Variants in PRKCQ observed in about 807,000 individuals in gnomAD.
The protein encoded by PRKCQ is protein kinase C theta type.
Under a neutral mutation model 91.2 loss-of-function variants are expected in PRKCQ, and 41 were observed. The observed-to-expected ratio is 0.45, with a 90% CI of 0.35 to 0.58. The LOEUF (loss-of-function observed/expected upper bound fraction) is 0.58, where lower values mean the gene tolerates loss of function less well. Among genes scored for constraint, PRKCQ ranks in the 20% least tolerant of loss-of-function variants. The pLI, the probability that PRKCQ is intolerant of heterozygous loss-of-function variation, is 0.00. For synonymous variants in PRKCQ, 307 were observed against 316.9 expected (o/e 0.97, Z 0.33); for missense variants, 673 against 896.5 (o/e 0.75, Z 3.18).
At chr10:6,414,134 T>G in the PRKCQ span, among the ~76,000 whole-genome samples, 982 of 152,172 alleles carry the variant, frequency 6.5e-3, 5 homozygotes, top group Non-Finnish European at 9.6e-3. Context: ...GTTCCCTGAG[T>G]CATGTAGGTA....
At chr10:6,474,161 A>G (rs1371961900) in intron 12 of PRKCQ, among the ~76,000 whole-genome samples, 1 of 152,266 alleles carries the variant, frequency 6.6e-6, no homozygotes, top group African/African-American at 2.4e-5. Flanking sequence ...ATATTGACCA[A>G]GAATGTTCAA....
chr10:6,421,369 C>T, the PRKCQ span, among the ~76,000 whole-genome samples: 1 of 152,132 alleles, frequency 6.6e-6, no homozygotes, highest in Non-Finnish European at 1.5e-5. This position sits in a 1 kb window ranked among gnomAD's most constrained non-coding sequence, Gnocchi z 4.1. Context: ...TCTGTGGTCC[C>T]AGCTACTTGG....
intron 16 of PRKCQ, among the ~76,000 whole-genome samples, chr10:6,434,175 A>C (rs1439618872): frequency 6.6e-6 from 1 of 152,128 alleles, no homozygotes; most frequent in Non-Finnish European, 1.5e-5. Context: ...AGATGGCGTA[A>C]GTGTCTCAGG....
chr10:6,473,064 T>C (rs1836077754), intron 12 of PRKCQ, among the ~76,000 whole-genome samples: 1 of 152,206 alleles, frequency 6.6e-6, no homozygotes, highest in East Asian at 1.9e-4. Flanking sequence ...CTTTTCCTTT[T>C]TTTGTCCTAT....
chr10:6,411,041 G>A, the PRKCQ span, among the ~76,000 whole-genome samples: 3 of 151,684 alleles, frequency 2.0e-5, no homozygotes, highest in African/African-American at 4.8e-5. Context: ...GAAACACGGC[G>A]GACGATTAGA....
chr10:6,443,873 C>T (rs572265141), intron 15 of PRKCQ, among the ~76,000 whole-genome samples: 23 of 152,290 alleles, frequency 1.5e-4, no homozygotes, highest in African/African-American at 5.5e-4. Context: ...TTTGCCCTTA[C>T]TTTCAGTGAC....
chr10:6,545,191 G>A (rs1253229936), intron 1 of PRKCQ, among the ~76,000 whole-genome samples: 3 of 152,164 alleles, frequency 2.0e-5, no homozygotes, highest in Non-Finnish European at 4.4e-5. Context: ...CATTTTTCTT[G>A]CACCTGGTCT....
At chr10:6,574,421 A>G (rs1841151814) in intron 1 of PRKCQ, among the ~76,000 whole-genome samples, 1 of 152,220 alleles carries the variant, frequency 6.6e-6, no homozygotes, top group Non-Finnish European at 1.5e-5. Flanking sequence ...GCCCAGGACA[A>G]TCTGGGTTTG....
intron 16 of PRKCQ, among the ~76,000 whole-genome samples, chr10:6,434,921 T>C (rs1402338362): frequency 6.6e-6 from 1 of 152,212 alleles, no homozygotes; most frequent in Non-Finnish European, 1.5e-5. Flanking sequence ...GAGTGTTTTT[T>C]TTCTTTTTTT....
chr10:6,433,239 A>G (rs1266567376), intron 16 of PRKCQ, among the ~76,000 whole-genome samples: 1 of 152,218 alleles, frequency 6.6e-6, no homozygotes, highest in Non-Finnish European at 1.5e-5. Flanking sequence ...TTTGATGACA[A>G]GCGGCCTCCT....
At chr10:6,562,267 T>A (rs1840663868) in intron 1 of PRKCQ, among the ~76,000 whole-genome samples, 1 of 152,144 alleles carries the variant, frequency 6.6e-6, no homozygotes, top group African/African-American at 2.4e-5. Context: ...ACTGTGGCCA[T>A]CTCCTGTCTC....
chr10:6,497,535 C>T lies in PRKCQ; in HGVS notation c.543-284G>A, dbSNP rs1303312998. ...TGCATGAATGAAAATGCATGCATCA[C>T]AGACTCTTCGTAGCACGTTTCCCTG... On this transcript the variant is annotated intron_variant, in intron 5 of 17. Coordinates refer to ENST00000263125, the MANE Select transcript of PRKCQ (RefSeq NM_006257.5). The surrounding 1 kb of genome is among the most constrained non-coding windows in gnomAD (Gnocchi z 4.5). 2.0e-5 allele frequency among the ~76,000 whole-genome samples: 3 copies of T among 152,218 alleles called. No individual in the cohort carries two copies. The highest frequency in any genetic ancestry group is 3.8e-4 in the East Asian group (2 of 5,196).
intron 1 of PRKCQ, among the ~76,000 whole-genome samples, chr10:6,524,009 A>G (rs1839113401): frequency 6.6e-6 from 1 of 152,088 alleles, no homozygotes; most frequent in African/African-American, 2.4e-5. Context: ...GCCTGCCTGG[A>G]CTTCTCTCGA....
intron 4 of PRKCQ, among the ~76,000 whole-genome samples, chr10:6,499,792 G>A (rs1217762279): frequency 6.6e-6 from 1 of 152,106 alleles, no homozygotes; most frequent in Non-Finnish European, 1.5e-5. Flanking sequence ...ATGCGTTTGG[G>A]GCAAATTATC....
At chr10:6,504,631 C>T (rs1242407623) in intron 4 of PRKCQ, among the ~76,000 whole-genome samples, 2 of 152,164 alleles carry the variant, frequency 1.3e-5, no homozygotes, top group African/African-American at 2.4e-5. Context: ...ATCTAATTGT[C>T]TAATCTGTAC....
At chr10:6,480,624 CTAACT>C (rs2097426138) in intron 11 of PRKCQ, among the ~76,000 whole-genome samples, 1 of 152,216 alleles carries the variant, frequency 6.6e-6, no homozygotes, top group Non-Finnish European at 1.5e-5. Context: ...ACTGCATTCT[CTAACT>C]TACAGGACTG....
At chr10:6,405,051 T>G in the PRKCQ span, among the ~76,000 whole-genome samples, 1 of 151,994 alleles carries the variant, frequency 6.6e-6, no homozygotes, top group Non-Finnish European at 1.5e-5. Context: ...AGTGGCACAA[T>G]CTTAGCTCAC....
the PRKCQ span, among the ~76,000 whole-genome samples, chr10:6,396,228 C>CT: frequency 2.6e-5 from 4 of 152,184 alleles, no homozygotes; most frequent in African/African-American, 7.2e-5. Flanking sequence ...AAAACTAAGG[C>CT]TTTTTTTGCC....
chr10:6,418,961 A>ATCTATCTG, the PRKCQ span, among the ~76,000 whole-genome samples: 2 of 50,260 alleles, frequency 4.0e-5, no homozygotes, highest in African/African-American at 1.2e-4. Context: ...TCTAATATCT[A>ATCTATCTG]TCTATCTATC....
Sources: allele counts gnomAD v4.1 joint callset (sites outside exome capture counted in the v4.1 genomes callset), GRCh38; gene constraint gnomAD v4.1.1; non-coding constraint Gnocchi (gnomAD v3.1); transcripts MANE v1.5; gene names NCBI Gene and HGNC (gene_info 2026-07-23, HGNC 2026-07-21).